The following COL4A2 variants were observed in gnomAD, a reference collection of about 807,000 sequenced individuals.
COL4A2 encodes the protein collagen alpha-2(IV) chain.
In COL4A2, 99 loss-of-function variants were observed where a neutral mutation model predicts 200.2. The ratio of observed to expected loss-of-function variants is 0.49; its 90% CI spans 0.42 to 0.58. The LOEUF (loss-of-function observed/expected upper bound fraction) is 0.58. Ranked by LOEUF, COL4A2 falls within the 20% of genes least tolerant of loss-of-function variation. The pLI is 0.00. For missense variants in COL4A2, 1,950 were observed against 2,314.1 expected, an observed-to-expected ratio of 0.84 and a Z score of 3.23; for synonymous variants, 897 against 900.6, an observed-to-expected ratio of 1.00 and a Z score of 0.07.
chr13:110,343,310 G>C (rs1185142420), intron 3 of COL4A2, among the ~76,000 whole-genome samples: 1 of 152,134 alleles, frequency 6.6e-6, no homozygotes, highest in Admixed American at 6.5e-5. Flanking sequence ...GCTCTCCTCT[G>C]CTGGCCCCAG....
rs9583493 is a variant in COL4A2, at chr13:110,439,285, C to G, written c.913-504C>G. Among the ~76,000 whole-genome samples, 15 of 152,110 alleles carry G rather than the reference C, an allele frequency of 9.9e-5. No individual in the cohort carries two copies. In the East Asian group the frequency reaches 2.9e-3, roughly 29 times the overall value. On this transcript the variant is annotated intron_variant, in intron 15 of 47. Transcript: ENST00000360467. The stretch of plus-strand genomic sequence containing the variant: ...TGGCAGTTGCTACCACTCAAAAGAC[C>G]GTATTTTACATTCTCCAAAAATAAG...
intron 4 of COL4A2, among the ~76,000 whole-genome samples, chr13:110,366,857 A>G (rs899913474): frequency 1.3e-5 from 2 of 152,214 alleles, no homozygotes; most frequent in African/African-American, 2.4e-5. Flanking sequence ...AAGCTGGTCA[A>G]CCTGAGGCCC....
intron 3 of COL4A2, among the ~76,000 whole-genome samples, chr13:110,348,752 G>A (rs747410195): frequency 2.1e-4 from 32 of 151,984 alleles, no homozygotes; most frequent in African/African-American, 6.8e-4. Flanking sequence ...GTCACTTGGC[G>A]TAGGTTTTTC....
intron 3 of COL4A2, among the ~76,000 whole-genome samples, chr13:110,350,113 C>G (rs1035305794): frequency 1.3e-5 from 2 of 152,164 alleles, no homozygotes; most frequent in Admixed American, 1.3e-4. Flanking sequence ...AAATAAGACT[C>G]CAAGGAAAAG....
intron 24 of COL4A2, 29 bp downstream of exon 24, chr13:110,462,413 G>T: frequency 6.2e-7 from 1 of 1,606,198 alleles, no homozygotes; most frequent in Non-Finnish European, 8.5e-7. Context: ...CGGCAGCTCC[G>T]TCCTCTCTTC....
intron 4 of COL4A2, among the ~76,000 whole-genome samples, chr13:110,398,304 C>T (rs748402986): frequency 1.3e-5 from 2 of 152,018 alleles, no homozygotes; most frequent in Admixed American, 6.6e-5. Flanking sequence ...GAAATGACAA[C>T]GGTAAATGTA....
At chr13:110,511,647 C>T (rs1459146969) in intron 47 of COL4A2, among the ~76,000 whole-genome samples, 1 of 152,226 alleles carries the variant, frequency 6.6e-6, no homozygotes. Flanking sequence ...TATCTGCTGT[C>T]ACGGCTCTAG....
At position 110,308,032 on chromosome 13, in the gene COL4A2, G is replaced by T. The variant is rs532567032; in HGVS notation, c.45-37G>T. 4.3e-6 allele frequency: 7 copies of T among 1,611,622 alleles called. No homozygotes were observed. The Admixed American group carries it at 1.0e-4, about 23-fold the overall frequency. On this transcript the variant is annotated intron_variant, in intron 2 of 47. Coordinates refer to ENST00000360467, the MANE Select transcript of COL4A2 (RefSeq NM_001846.4). ...TCTCGGGGACTGACAAGCCGGGCCC[G>T]CACGTTCACGTCTCTCTTCCTCCCT...
chr13:110,425,015 C>G lies in COL4A2; in HGVS notation c.360+18C>G. On this transcript the variant is annotated intron_variant, in intron 6 of 47. Transcript: ENST00000360467. ...GAATTCCTGTAAGTTTTATGGAAGA[C>G]TGGAATTTTAAAACATTGCGTGCAT... is the stretch of plus-strand genomic sequence containing the variant. 6.2e-7 allele frequency: 1 copy of G among 1,613,606 alleles called. No individual in the cohort carries two copies. The highest frequency in any genetic ancestry group is 1.1e-5 in the South Asian group (1 of 91,024).
At position 110,436,347 on chromosome 13, in the gene COL4A2, T is replaced by C; in HGVS notation, c.805T>C (p.Phe269Leu). 1 of 1,614,022 alleles carries C rather than the reference T, an allele frequency of 6.2e-7. No homozygotes were observed. Among genetic ancestry groups the C allele is most frequent in the Non-Finnish European group, 8.5e-7 (1 of 1,180,016 alleles). Reference protein sequence around the residue: ...HPIIAPTGVTFHPDQYKGEKG... With the variant: ...HPIIAPTGVTLHPDQYKGEKG... ...CATCATCGCGCCCACAGGAGTCACC[T>C]TCCACCCAGATCAGTACAAGGTAAA... The change falls in exon 13 of 48, where the codon TTC (phenylalanine) becomes CTC (leucine). Residue 269 changes from phenylalanine to leucine, a missense_variant. By Grantham distance (22) the Phe-to-Leu change is conservative. Around this residue, in one of 2 missense-constraint regions of COL4A2, gnomAD observed 565 missense variants for 593.5 expected, o/e 0.95. Coordinates refer to ENST00000360467, the MANE Select transcript of COL4A2 (RefSeq NM_001846.4).
At chr13:110,318,754 C>A (rs376145356) in intron 3 of COL4A2, among the ~76,000 whole-genome samples, 52 of 152,218 alleles carry the variant, frequency 3.4e-4, no homozygotes, top group Admixed American at 2.1e-3. Flanking sequence ...CTTAGCATTG[C>A]GGTGCTTGAT....
rs905489919 is a variant in COL4A2, at chr13:110,512,423, C to T, written c.*232C>T. ...CAGAAAGCCAGGAGCAGCCCTGGCC[C>T]CCATCAGCCCTGCTAGACGCACCGC... is the stretch of plus-strand genomic sequence containing the variant. On this transcript the variant is annotated 3_prime_UTR_variant, in exon 48 of 48. Transcript: ENST00000360467. 1 of 673,332 alleles carries T rather than the reference C, an allele frequency of 1.5e-6. No homozygotes were observed. The highest frequency in any genetic ancestry group is 1.8e-5 in the African/African-American group (1 of 55,310). The allele number at this position is 673,332 out of a possible 1,614,324, so 41.7% of individuals were successfully genotyped here. A position where few individuals can be genotyped will look rare whatever the true frequency, so the allele number is the denominator to read the frequency against.
chr13:110,446,300 C>T (rs1036151466), intron 17 of COL4A2, among the ~76,000 whole-genome samples: 7 of 152,138 alleles, frequency 4.6e-5, no homozygotes, highest in African/African-American at 7.2e-5. Context: ...GGGGAACGCA[C>T]CCGTGGGGAA....
intron 37 of COL4A2, 146 bp from the exon 38 acceptor site, chr13:110,491,924 G>A: frequency 1.6e-6 from 1 of 612,748 alleles, no homozygotes; most frequent in Non-Finnish European, 2.8e-6. Context: ...CAGCTTGAGG[G>A]ACAGTTCTAA....
chr13:110,363,999 C>T (rs897903940), intron 4 of COL4A2, among the ~76,000 whole-genome samples: 2 of 152,202 alleles, frequency 1.3e-5, no homozygotes, highest in African/African-American at 2.4e-5. Flanking sequence ...CTGCACCCGG[C>T]CTCTGTCTTA....
At position 110,478,022 on chromosome 13, in the gene COL4A2, G is replaced by A. The variant is rs529755589; in HGVS notation, c.2445G>A (p.Gly815=). The change falls in exon 30 of 48, where the codon GGG becomes GGA. Residue 815 remains glycine, a synonymous_variant. Coordinates refer to ENST00000360467, the MANE Select transcript of COL4A2 (RefSeq NM_001846.4). ...CTGCAGGAAGCCAAGGGATGCCTGG[G>A]ATGCCAGGGCTGAAGGGCCAGCCAG... ...PGFRGSQGMP[G]MPGLKGQPGL... 2.8e-5 allele frequency: 44 copies of A among 1,575,206 alleles called. No individual in the cohort carries two copies. In the East Asian group the frequency reaches 8.7e-4, roughly 31 times the overall value.
In COL4A2 at chr13:110,465,602, A is replaced by G. The variant is rs1161731593; in HGVS notation, c.1974A>G (p.Gln658=). The G allele has an allele frequency of 6.2e-7, 1 of 1,608,452 alleles. No homozygotes were observed. The highest frequency in any genetic ancestry group is 1.3e-5 in the African/African-American group (1 of 74,448). Residue 658 remains glutamine (Q), a synonymous_variant, in exon 25 of 48, where the codon CAA becomes CAG. Coordinates refer to ENST00000360467, the MANE Select transcript of COL4A2 (RefSeq NM_001846.4). ...CTGGCCCCGCAGGGACCCCAGGACA[A>G]ATAGGTATGAAGGAATCCTCCCTTT... ...GPPGPAGTPG[Q]IDCDTDVKRA...
intron 3 of COL4A2, among the ~76,000 whole-genome samples, chr13:110,348,567 T>A (rs1021169772): frequency 1.3e-5 from 2 of 152,264 alleles, no homozygotes; most frequent in Non-Finnish European, 2.9e-5. Context: ...GAGTTGGCTT[T>A]CTTCTCTTTT....
intron 3 of COL4A2, among the ~76,000 whole-genome samples, chr13:110,354,824 T>C (rs1877120699): frequency 6.6e-6 from 1 of 151,110 alleles, no homozygotes; most frequent in Non-Finnish European, 1.5e-5. Context: ...TGCCAGGAGG[T>C]TTTGGGTCAG....
Sources: allele counts gnomAD v4.1 joint callset (sites outside exome capture counted in the v4.1 genomes callset), GRCh38; gene constraint gnomAD v4.1.1; regional missense constraint gnomAD v4.1.1; transcripts MANE v1.5; gene names NCBI Gene and HGNC (gene_info 2026-07-23, HGNC 2026-07-21).